Variants in NUGGC observed in about 807,000 individuals in gnomAD.
The protein encoded by NUGGC is nuclear GTPase SLIP-GC.
A neutral mutation model predicts 92.6 loss-of-function variants in NUGGC; 58 were observed. The observed-to-expected ratio is 0.63, with a 90% CI of 0.51 to 0.78. NUGGC has a LOEUF of 0.78. Among genes scored for constraint, NUGGC ranks in the 30% least tolerant of loss-of-function variants. The probability of loss-of-function intolerance (pLI) is 0.00; values close to 1 mark genes in which losing one functional copy is unlikely to be tolerated. For missense variants in NUGGC, 925 were observed against 964.6 expected, an observed-to-expected ratio of 0.96 and a Z score of 0.54; for synonymous variants, 376 against 366.4, an observed-to-expected ratio of 1.03 and a Z score of -0.30.
intron 4 of NUGGC, among the ~76,000 whole-genome samples, chr8:28,068,648 G>T (rs974509201): frequency 1.3e-5 from 2 of 152,202 alleles, no homozygotes; most frequent in Admixed American, 1.3e-4. Flanking sequence ...AAAATATTTG[G>T]TAATGATAAT....
chr8:28,060,353 T>C (rs1266059488), intron 8 of NUGGC, 73 bp downstream of exon 8: 9 of 1,412,952 alleles, frequency 6.4e-6, no homozygotes, highest in East Asian at 2.3e-5. Flanking sequence ...TCAAGCTCCA[T>C]GCTACTGTAG....
chr8:28,024,432 A>G (rs1809203579), intron 18 of NUGGC, among the ~76,000 whole-genome samples: 1 of 151,916 alleles, frequency 6.6e-6, no homozygotes, highest in Admixed American at 6.6e-5. Context: ...CTCTTTCTGG[A>G]GTCTCTGTCC....
At chr8:28,032,027 G>GCTTA (rs1300160810) in intron 14 of NUGGC, among the ~76,000 whole-genome samples, 1 of 152,218 alleles carries the variant, frequency 6.6e-6, no homozygotes, top group East Asian at 1.9e-4. Flanking sequence ...CCTGCCAAGT[G>GCTTA]CTTAGCACTG....
chr8:28,079,021 T>C (rs1261449337), intron 1 of NUGGC, among the ~76,000 whole-genome samples: 1 of 152,210 alleles, frequency 6.6e-6, no homozygotes, highest in Non-Finnish European at 1.5e-5. Flanking sequence ...AACCTAAGAA[T>C]AGCATCTTTT....
intron 12 of NUGGC, among the ~76,000 whole-genome samples, chr8:28,043,216 A>G (rs552356204): frequency 3.9e-5 from 6 of 152,378 alleles, no homozygotes; most frequent in Middle Eastern, 3.4e-3. Flanking sequence ...ATGATAAGAA[A>G]GGGAAGAGCG....
intron 12 of NUGGC, among the ~76,000 whole-genome samples, chr8:28,043,185 C>T (rs1809742806): frequency 6.6e-6 from 1 of 152,150 alleles, no homozygotes; most frequent in Admixed American, 6.5e-5. Flanking sequence ...CTCGATAAAT[C>T]CTTGTTGGAT....
intron 5 of NUGGC, 92 bp from the exon 6 acceptor site, chr8:28,067,836 G>C: frequency 1.1e-6 from 1 of 944,900 alleles, no homozygotes; most frequent in Non-Finnish European, 1.6e-6. Flanking sequence ...TGGAGGGCCA[G>C]GGGGCTGCAT....
chr8:28,025,240 A>G (rs948216174), intron 18 of NUGGC, among the ~76,000 whole-genome samples: 3 of 152,226 alleles, frequency 2.0e-5, no homozygotes, highest in Non-Finnish European at 2.9e-5. Flanking sequence ...ATCTTGTCTT[A>G]CCAACCAGGT....
intron 10 of NUGGC, among the ~76,000 whole-genome samples, chr8:28,053,213 C>T (rs1415463291): frequency 2.6e-5 from 4 of 152,176 alleles, no homozygotes; most frequent in African/African-American, 9.7e-5. Context: ...AATCCCAGTG[C>T]TTTGGGAGGC....
chr8:28,051,077 G>A (rs182177364), intron 10 of NUGGC, among the ~76,000 whole-genome samples: 338 of 152,168 alleles, frequency 2.2e-3, no homozygotes, highest in African/African-American at 7.8e-3. Flanking sequence ...TCCCACCTCG[G>A]CCTCCCAAAG....
At chr8:28,073,463 A>C (rs547676616) in intron 2 of NUGGC, among the ~76,000 whole-genome samples, 1 of 152,240 alleles carries the variant, frequency 6.6e-6, no homozygotes, top group South Asian at 2.1e-4. Context: ...ACACTGCTGC[A>C]CTTTGCCCCT....
Position 28,027,004 on chromosome 8 carries a change from G to T in NUGGC, c.2203C>A (p.Leu735Ile). The part of the protein sequence containing the change: ...VKGSITTMLA[L>I]ASSQGDGLYK... ...AGGCCATCCCCCTGGGACGAAGCAA[G>T]GGCCAGCATAGTGGTGATGCTGCCC... Residue 735 changes from leucine (L) to isoleucine (I), a missense_variant, in exon 18 of 19, where the codon CTT becomes ATT. Coordinates refer to ENST00000413272, the MANE Select transcript of NUGGC (RefSeq NM_001010906.2). The T allele has an allele frequency of 6.2e-7, 1 of 1,613,894 alleles. No individual in the cohort carries two copies.
intron 17 of NUGGC, 77 bp from the exon 18 acceptor site, chr8:28,027,129 C>G: frequency 8.6e-7 from 1 of 1,162,304 alleles, no homozygotes; most frequent in Admixed American, 1.7e-5. Context: ...GGACCCCACC[C>G]AGTCCCCCAG....
At position 28,064,182 on chromosome 8, in the gene NUGGC, T is replaced by C. The variant is rs113411919; in HGVS notation, c.921+340A>G. Among the ~76,000 whole-genome samples, 844 of 152,342 alleles carry C rather than the reference T, an allele frequency of 5.5e-3. 9 individuals are homozygous for C. Among genetic ancestry groups the C allele is most frequent in the African/African-American group, 0.019 (797 of 41,586 alleles). ...TTGCAGCCTCTTGGTTCTTGGTGAC[T>C]GGCTGCAGCTTCTCTGCTTTGTCCC... is the stretch of plus-strand genomic sequence containing the variant. On this transcript the variant is annotated intron_variant, in intron 7 of 18. Coordinates refer to ENST00000413272, the MANE Select transcript of NUGGC (RefSeq NM_001010906.2).
At chr8:28,053,751 T>C (rs1437393705) in intron 10 of NUGGC, among the ~76,000 whole-genome samples, 1 of 152,230 alleles carries the variant, frequency 6.6e-6, no homozygotes, top group Non-Finnish European at 1.5e-5. Context: ...TATTCTACGT[T>C]TCCATTTCCA....
intron 13 of NUGGC, among the ~76,000 whole-genome samples, chr8:28,038,115 C>T (rs534489237): frequency 3.3e-5 from 5 of 152,300 alleles, no homozygotes; most frequent in South Asian, 2.1e-4. Context: ...CTCTCGGGCA[C>T]GTGGGCCAAT....
chr8:28,033,798 G>A (rs1448777271), intron 13 of NUGGC, 101 bp from the exon 14 acceptor site: 4 of 1,000,836 alleles, frequency 4.0e-6, no homozygotes, highest in Non-Finnish European at 6.1e-6. Flanking sequence ...AAGAATCACA[G>A]GAAAGTGTAG....
rs374601562 is a variant in NUGGC at position 28,026,997 on chromosome 8, G to A, written c.2210C>T (p.Ser737Leu). ...CTTGTAGAGGCCATCCCCCTGGGAC[G>A]AAGCAAGGGCCAGCATAGTGGTGAT... ...GSITTMLALASSQGDGLYKEL... is the reference protein window; with the variant it reads ...GSITTMLALALSQGDGLYKEL... Residue 737 changes from serine (S) to leucine (L), a missense_variant, in exon 18 of 19, where the codon TCG becomes TTG. Coordinates refer to ENST00000413272, the MANE Select transcript of NUGGC (RefSeq NM_001010906.2). 9.3e-6 allele frequency: 15 copies of A among 1,613,614 alleles called. 1 individual carries two copies. The highest frequency in any genetic ancestry group is 6.7e-5 in the African/African-American group (5 of 74,902).
At chr8:28,043,739 C>T (rs1585567580) in intron 12 of NUGGC, among the ~76,000 whole-genome samples, 1 of 152,208 alleles carries the variant, frequency 6.6e-6, no homozygotes, top group East Asian at 1.9e-4. Flanking sequence ...TTGTAAAATA[C>T]ACCAACCTCA....
Sources: allele counts gnomAD v4.1 joint callset (sites outside exome capture counted in the v4.1 genomes callset), GRCh38; gene constraint gnomAD v4.1.1; transcripts MANE v1.5; gene names NCBI Gene and HGNC (gene_info 2026-07-23, HGNC 2026-07-21).